MEI1: variants seen among roughly 807,000 people sequenced by gnomAD.
MEI1 encodes meiosis inhibitor protein 1.
MEI1 carries 103 observed loss-of-function variants against 146.2 expected under a neutral mutation model. That is an observed-to-expected ratio of 0.70 (90% CI 0.60 to 0.83). The LOEUF (loss-of-function observed/expected upper bound fraction) is 0.83, where lower values mean the gene tolerates loss of function less well. MEI1 is among the 40% of genes least tolerant of loss of function. MEI1 has a pLI of 0.00. For missense variants in MEI1, 1,529 were observed against 1,533.0 expected, an observed-to-expected ratio of 1.00 and a Z score of 0.04; for synonymous variants, 652 against 628.2, an observed-to-expected ratio of 1.04 and a Z score of -0.57.
intron 5 of MEI1, 82 bp from the exon 6 acceptor site, chr22:41,717,989 C>G: frequency 8.7e-7 from 1 of 1,154,346 alleles, no homozygotes; most frequent in Non-Finnish European, 1.2e-6. Context: ...ATTACTACCC[C>G]GTTAGGAATA....
chr22:41,755,247 C>A (rs536715046), intron 17 of MEI1, among the ~76,000 whole-genome samples: 12 of 152,258 alleles, frequency 7.9e-5, no homozygotes, highest in African/African-American at 2.6e-4. Context: ...AACAAATATA[C>A]CTCTGTGGGT....
chr22:41,755,093 C>T (rs2074004724), intron 17 of MEI1, among the ~76,000 whole-genome samples: 1 of 152,154 alleles, frequency 6.6e-6, no homozygotes, highest in African/African-American at 2.4e-5. Flanking sequence ...CATTGAGCTT[C>T]TGCTACCTGC....
intron 30 of MEI1, among the ~76,000 whole-genome samples, chr22:41,796,313 G>GAGT (rs1459009499): frequency 6.6e-6 from 1 of 150,850 alleles, no homozygotes; most frequent in Non-Finnish European, 1.5e-5. Flanking sequence ...TCAGCCTCCC[G>GAGT]AGTAGCTGGG....
At chr22:41,756,378 C>T (rs975528396) in intron 17 of MEI1, among the ~76,000 whole-genome samples, 25 of 152,088 alleles carry the variant, frequency 1.6e-4, no homozygotes, top group African/African-American at 6.0e-4. Context: ...CTCAAACAAT[C>T]TACCTGCCTT....
intron 21 of MEI1, among the ~76,000 whole-genome samples, chr22:41,776,619 C>A (rs2075448410): frequency 6.6e-6 from 1 of 152,040 alleles, no homozygotes; most frequent in East Asian, 1.9e-4. Flanking sequence ...CAGCAGCAGT[C>A]CGCAGGGGCT....
intron 17 of MEI1, 120 bp downstream of exon 17, chr22:41,754,166 C>G: frequency 1.4e-6 from 1 of 711,752 alleles, no homozygotes; most frequent in South Asian, 1.6e-5. Context: ...CTGAGGCTGC[C>G]CAGAGGAATC....
chr22:41,794,317 G>A (rs574256874), intron 27 of MEI1, 54 bp from the exon 28 acceptor site: 389 of 1,472,396 alleles, frequency 2.6e-4, no homozygotes, highest in Non-Finnish European at 3.5e-4. Context: ...GTCCTCTTGA[G>A]CAATGTCCCA....
At chr22:41,723,297 G>A (rs749741802) in intron 6 of MEI1, among the ~76,000 whole-genome samples, 16 of 151,846 alleles carry the variant, frequency 1.1e-4, no homozygotes, top group Non-Finnish European at 1.9e-4. Context: ...ACTGCAACCT[G>A]TGTCTGCTGG....
intron 16 of MEI1, among the ~76,000 whole-genome samples, chr22:41,753,273 A>ACGCC (rs1406478285): frequency 2.0e-5 from 3 of 151,904 alleles, no homozygotes; most frequent in Admixed American, 1.3e-4. Context: ...GAGTGCTGGG[A>ACGCC]TTACAGGCGT....
At chr22:41,768,723 G>C (rs1307747069) in intron 19 of MEI1, among the ~76,000 whole-genome samples, 1 of 152,108 alleles carries the variant, frequency 6.6e-6, no homozygotes, top group African/African-American at 2.4e-5. Context: ...AAAACAACCA[G>C]AGCTCATGAG....
intron 1 of MEI1, 21 bp from the exon 2 acceptor site, chr22:41,703,309 GT>G: frequency 1.2e-6 from 2 of 1,608,856 alleles, no homozygotes; most frequent in Non-Finnish European, 1.7e-6. Flanking sequence ...GCTATTGAAT[GT>G]TTTTCTTCAT....
chr22:41,758,620 C>G (rs1319070584), intron 18 of MEI1, 87 bp downstream of exon 18: 2 of 1,372,748 alleles, frequency 1.5e-6, no homozygotes, highest in Admixed American at 4.6e-5. Context: ...TCTCTCCAAG[C>G]CTGATGCTGG....
At chr22:41,726,378 T>C (rs1227140966) in intron 7 of MEI1, among the ~76,000 whole-genome samples, 1 of 152,192 alleles carries the variant, frequency 6.6e-6, no homozygotes, top group Non-Finnish European at 1.5e-5. Flanking sequence ...GCTTAAAACT[T>C]AACTTAAAAG....
intron 3 of MEI1, among the ~76,000 whole-genome samples, chr22:41,708,469 A>G (rs12160042): frequency 6.6e-6 from 1 of 151,878 alleles, no homozygotes; most frequent in African/African-American, 2.4e-5. Flanking sequence ...ATAAACAGTC[A>G]TGGTATTTCA....
At chr22:41,774,722 C>T (rs1602087442) in intron 20 of MEI1, among the ~76,000 whole-genome samples, 1 of 152,220 alleles carries the variant, frequency 6.6e-6, no homozygotes, top group South Asian at 2.1e-4. Context: ...TGGGGTGACA[C>T]CTATATGGAA....
chr22:41,721,237 CTTT>C lies in MEI1; in HGVS notation c.734-2683_734-2681del, dbSNP rs984702207. Among the ~76,000 whole-genome samples, 539 of 70,432 alleles carry C rather than the reference CTTT, an allele frequency of 7.7e-3. 2 individuals carry two copies. The highest frequency in any genetic ancestry group is 0.036 in the African/African-American group (517 of 14,552). 46.2% of individuals were successfully genotyped at this position (70,432 alleles called of 152,430 possible). ...ACAGGTGTTAGCCACCACGCCCGTT[CTTT>C]TTTTTTTTTTTTTTTTTTTTTTGAG... On this transcript the variant is annotated intron_variant, in intron 6 of 30. Coordinates refer to ENST00000401548, the MANE Select transcript of MEI1 (RefSeq NM_152513.4).
intron 6 of MEI1, among the ~76,000 whole-genome samples, chr22:41,719,708 G>A (rs1225098520): frequency 6.6e-6 from 1 of 152,172 alleles, no homozygotes; most frequent in African/African-American, 2.4e-5. Flanking sequence ...TTCTCTGCTT[G>A]TTACTTGAGG....
chr22:41,702,960 C>G (rs183282008), intron 1 of MEI1, among the ~76,000 whole-genome samples: 205 of 152,078 alleles, frequency 1.3e-3, no homozygotes, highest in African/African-American at 4.7e-3. Context: ...GCTCGTGATA[C>G]GCCCGCCTTG....
rs1380735205 is a variant in MEI1 at position 41,699,717 on chromosome 22, G to A, written c.174+5G>A. The A allele has an allele frequency of 1.9e-6, 3 of 1,556,284 alleles. No individual in the cohort carries two copies. Among genetic ancestry groups the A allele is most frequent in the South Asian group, 1.2e-5 (1 of 84,976 alleles). On this transcript the variant is annotated splice_donor_5th_base_variant and intron_variant, in intron 1 of 30. Transcript: ENST00000401548. Reference sequence around the variant, plus strand: ...CTGCCGGACCCCGGCGTGTCGGTGCGGGCGGAACCTTTTCTTCAGAAGACC... The same window carrying A: ...CTGCCGGACCCCGGCGTGTCGGTGCAGGCGGAACCTTTTCTTCAGAAGACC...
Sources: gnomAD v4.1 joint callset for allele counts (sites outside exome capture counted in the v4.1 genomes callset) on GRCh38, gnomAD v4.1.1 for gene constraint, MANE v1.5 for transcripts, NCBI Gene and HGNC (gene_info 2026-07-23, HGNC 2026-07-21) for gene names.